SIDT1: variants seen among roughly 807,000 people sequenced by gnomAD.
The protein encoded by SIDT1 is SID1 transmembrane family, member 1.
Under a neutral mutation model 107.5 loss-of-function variants are expected in SIDT1, and 101 were observed. That is an observed-to-expected ratio of 0.94 (90% confidence interval 0.80 to 1.11). SIDT1 has a LOEUF of 1.11. Among genes scored for constraint, SIDT1 ranks in the 50% least tolerant of loss-of-function variants. The pLI, the probability that SIDT1 is intolerant of heterozygous loss-of-function variation, is 0.00. For missense variants in SIDT1, 1,076 were observed against 1,058.2 expected, an observed-to-expected ratio of 1.02 and a Z score of -0.23; for synonymous variants, 395 against 398.2, an observed-to-expected ratio of 0.99 and a Z score of 0.10.
At chr3:113,581,699 C>G (rs951769323) in intron 6 of SIDT1, 25 of 408,306 alleles carry the variant, frequency 6.1e-5, no homozygotes, top group Non-Finnish European at 9.5e-5. Flanking sequence ...ATGGCAAAAC[C>G]CTGTCTCCAC....
chr3:113,559,770 C>T (rs574030457), intron 1 of SIDT1, among the ~76,000 whole-genome samples: 1 of 152,220 alleles, frequency 6.6e-6, no homozygotes, highest in African/African-American at 2.4e-5. Context: ...TATCCTTAAC[C>T]CACTTTTTCC....
chr3:113,611,138 T>C lies in SIDT1; in HGVS notation c.1851T>C (p.Leu617=), dbSNP rs1945706491. ...CTGTGGTCATCATGGTCACCGTCCT[T>C]GGAGTGGTGCGTCCCCCACCTTCTT... The part of the protein sequence containing the change: ...SFAVVIMVTV[L]GVVFGKNDVW... Residue 617 remains leucine, a synonymous_variant, in exon 18 of 25, where the codon CTT becomes CTC. Transcript: ENST00000264852. The C allele has an allele frequency of 6.2e-7, 1 of 1,613,792 alleles. No individual in the cohort carries two copies. The highest frequency in any genetic ancestry group is 2.2e-5 in the East Asian group (1 of 44,866).
intron 20 of SIDT1, among the ~76,000 whole-genome samples, chr3:113,618,713 G>GT (rs1946268555): frequency 6.6e-6 from 1 of 152,200 alleles, no homozygotes; most frequent in Non-Finnish European, 1.5e-5. Context: ...TAGATAAGTG[G>GT]TTATGCAAAT....
intron 23 of SIDT1, 49 bp downstream of exon 23, chr3:113,623,782 C>A: frequency 7.6e-7 from 1 of 1,309,624 alleles, no homozygotes; most frequent in Non-Finnish European, 1.1e-6. Context: ...CTCCAACTTG[C>A]CATTTTGGCC....
At chr3:113,548,776 C>G (rs1939881972) in intron 1 of SIDT1, among the ~76,000 whole-genome samples, 1 of 152,078 alleles carries the variant, frequency 6.6e-6, no homozygotes, top group Non-Finnish European at 1.5e-5. Context: ...TAGCCCAAGC[C>G]CCTTTGCCTT....
At chr3:113,546,544 G>C (rs1392422001) in intron 1 of SIDT1, among the ~76,000 whole-genome samples, 5 of 152,022 alleles carry the variant, frequency 3.3e-5, no homozygotes, top group Non-Finnish European at 1.5e-5. Flanking sequence ...CTATCATGTT[G>C]AGTTTGGCTT....
At chr3:113,545,071 C>T (rs1365400381) in intron 1 of SIDT1, among the ~76,000 whole-genome samples, 3 of 141,240 alleles carry the variant, frequency 2.1e-5, no homozygotes, top group Non-Finnish European at 4.5e-5. Context: ...GCTGATATTG[C>T]GCCATTGCAC....
At position 113,567,555 on chromosome 3, in the gene SIDT1, C is replaced by A. The variant is rs201371437; in HGVS notation, c.360C>A (p.Tyr120Ter). ...LLFQGLYQRS[Y>*]NYQEVSRTLC... ...GCTGCTTCAGATACCAGAGGAGCTACAACTATCAAGAAGTGAGCCGCACCT... is the reference window on the plus strand; with the variant it reads ...GCTGCTTCAGATACCAGAGGAGCTAAAACTATCAAGAAGTGAGCCGCACCT... Residue 120 changes from tyrosine to a stop codon, truncating the protein, a stop_gained, in exon 3 of 25, where the codon TAC becomes TAA. Transcript: ENST00000264852. LOFTEE classifies it high-confidence loss of function. The A allele has an allele frequency of 1.2e-6, 2 of 1,612,962 alleles. No individual in the cohort carries two copies. The highest frequency in any genetic ancestry group is 1.7e-6 in the Non-Finnish European group (2 of 1,179,578).
In SIDT1 at chr3:113,620,629, G is replaced by A. The variant is rs1317900473; in HGVS notation, c.2090+903G>A. 7.2e-5 allele frequency among the ~76,000 whole-genome samples: 11 copies of A among 152,154 alleles called. 1 individual carries two copies. The highest frequency in any genetic ancestry group is 7.2e-4 in the Admixed American group (11 of 15,266). On this transcript the variant is annotated intron_variant, in intron 21 of 24. Transcript: ENST00000264852. ...TGGGGGGCATGTGCTTCTGGAAGAA[G>A]CTTCCCATGTTGTCACCCCAGGGAT...
chr3:113,552,139 T>C (rs1271783958), intron 1 of SIDT1, among the ~76,000 whole-genome samples: 1 of 152,182 alleles, frequency 6.6e-6, no homozygotes, highest in African/African-American at 2.4e-5. Context: ...GGCCAAAAAG[T>C]TAACATTTGA....
At chr3:113,636,844 C>T in the SIDT1 span, among the ~76,000 whole-genome samples, 1 of 152,170 alleles carries the variant, frequency 6.6e-6, no homozygotes, top group African/African-American at 2.4e-5. Context: ...CTAGTGGAGA[C>T]TGCATTTCAG....
intron 7 of SIDT1, 39 bp from the exon 8 acceptor site, chr3:113,584,659 T>A: frequency 7.1e-7 from 1 of 1,415,580 alleles, no homozygotes; most frequent in Non-Finnish European, 9.8e-7. Flanking sequence ...ATTATCTGAT[T>A]CAATGTGCTT....
intron 22 of SIDT1, 38 bp from the exon 23 acceptor site, chr3:113,623,585 G>C: frequency 6.2e-7 from 1 of 1,600,566 alleles, no homozygotes; most frequent in Non-Finnish European, 8.6e-7. Flanking sequence ...AGGCGAAGGC[G>C]GGGTCGCGTG....
intron 1 of SIDT1, among the ~76,000 whole-genome samples, chr3:113,542,672 G>T (rs532919798): frequency 6.6e-6 from 1 of 152,084 alleles, no homozygotes; most frequent in Non-Finnish European, 1.5e-5. Flanking sequence ...AGAAGGGAAG[G>T]GAAGATCTGG....
chr3:113,561,698 A>G (rs912665802), intron 1 of SIDT1, among the ~76,000 whole-genome samples: 1 of 152,198 alleles, frequency 6.6e-6, no homozygotes, highest in Non-Finnish European at 1.5e-5. Flanking sequence ...CAGCTTGCTA[A>G]AAATTTATAT....
chr3:113,602,839 C>T (rs1945053844), intron 11 of SIDT1, 166 bp from the exon 12 acceptor site: 8 of 573,206 alleles, frequency 1.4e-5, no homozygotes, highest in Non-Finnish European at 2.3e-5. Context: ...AAATAAAAGT[C>T]CATTGAGAAG....
At chr3:113,604,113 A>G (rs1945156767) in intron 13 of SIDT1, 80 bp downstream of exon 13, 4 of 1,009,448 alleles carry the variant, frequency 4.0e-6, no homozygotes, top group Non-Finnish European at 5.9e-6. Flanking sequence ...ACTTAGGCAC[A>G]AGGTTTTAGT....
intron 3 of SIDT1, 54 bp downstream of exon 3, chr3:113,567,764 T>C: frequency 6.5e-7 from 1 of 1,541,016 alleles, no homozygotes; most frequent in Non-Finnish European, 8.9e-7. Flanking sequence ...TTGTGGATGC[T>C]CAATTCATCT....
intron 7 of SIDT1, 98 bp downstream of exon 7, chr3:113,583,594 G>A: frequency 2.4e-6 from 2 of 833,078 alleles, no homozygotes; most frequent in South Asian, 2.6e-5. Flanking sequence ...ACTAAACAAG[G>A]GTTGGTTCCA....
Sources: gnomAD v4.1 joint callset for allele counts (sites outside exome capture counted in the v4.1 genomes callset) on GRCh38, gnomAD v4.1.1 for gene constraint, MANE v1.5 for transcripts, NCBI Gene and HGNC (gene_info 2026-07-23, HGNC 2026-07-21) for gene names.